ASCC3: variants seen among roughly 807,000 people sequenced by gnomAD.
ASCC3 encodes the protein activating signal cointegrator 1 complex subunit 3.
ASCC3 carries 158 observed loss-of-function variants against 256.3 expected under a neutral mutation model. That is an observed-to-expected ratio of 0.62 (90% CI 0.54 to 0.70). ASCC3 has a LOEUF of 0.70. Ranked by LOEUF, ASCC3 falls within the 30% of genes least tolerant of loss-of-function variation. ASCC3 has a pLI of 0.00. For synonymous variants in ASCC3, 948 were observed against 883.4 expected (o/e 1.07, Z -1.30); for missense variants, 2,259 against 2,626.0 (o/e 0.86, Z 3.05).
intron 3 of ASCC3, among the ~76,000 whole-genome samples, chr6:100,861,900 T>C (rs1773242843): frequency 6.6e-6 from 1 of 152,162 alleles, no homozygotes; most frequent in South Asian, 2.1e-4. Flanking sequence ...TTTTCTTTTT[T>C]TAAATCTTAA....
At chr6:100,805,640 G>T in intron 5 of ASCC3, 120 bp downstream of exon 5, 1 of 1,190,344 alleles carries the variant, frequency 8.4e-7, no homozygotes, top group Non-Finnish European at 1.2e-6. Flanking sequence ...ATTTAACAGA[G>T]TAATATCAGT....
At chr6:100,740,187 TTAAC>T (rs1257612730) in intron 10 of ASCC3, among the ~76,000 whole-genome samples, 6 of 152,208 alleles carry the variant, frequency 3.9e-5, no homozygotes, top group Non-Finnish European at 8.8e-5. Flanking sequence ...ATTTCATTAT[TTAAC>T]TAAGTTTCAT....
chr6:100,669,574 T>G (rs1776640929), intron 14 of ASCC3, among the ~76,000 whole-genome samples: 1 of 151,810 alleles, frequency 6.6e-6, no homozygotes, highest in Non-Finnish European at 1.5e-5. Context: ...CATGATTTCC[T>G]GGAGGGAATA....
At chr6:100,684,709 C>G (rs563175201) in intron 13 of ASCC3, among the ~76,000 whole-genome samples, 1 of 152,106 alleles carries the variant, frequency 6.6e-6, no homozygotes, top group South Asian at 2.1e-4. Context: ...TAAAACACTT[C>G]CCCTTTAGCA....
chr6:100,835,876 A>C (rs1771851549), intron 4 of ASCC3, among the ~76,000 whole-genome samples: 1 of 152,122 alleles, frequency 6.6e-6, no homozygotes, highest in African/African-American at 2.4e-5. Context: ...CTTCCAATTC[A>C]CCAGTACAAA....
intron 36 of ASCC3, among the ~76,000 whole-genome samples, chr6:100,580,828 C>G (rs919004699): frequency 1.3e-5 from 2 of 148,156 alleles, no homozygotes; most frequent in African/African-American, 5.0e-5. Context: ...TGAGAATATG[C>G]GGTGTTTGGT....
chr6:100,843,061 AAT>A (rs1340402745), intron 4 of ASCC3, among the ~76,000 whole-genome samples: 1 of 152,204 alleles, frequency 6.6e-6, no homozygotes, highest in Non-Finnish European at 1.5e-5. Context: ...TTTAATTTCA[AAT>A]ATGACAAATA....
chr6:100,602,423 G>A (rs774351436), intron 33 of ASCC3, among the ~76,000 whole-genome samples: 1 of 151,826 alleles, frequency 6.6e-6, no homozygotes, highest in Non-Finnish European at 1.5e-5. Flanking sequence ...AATCATTTTT[G>A]GAAAATAAAT....
At chr6:100,856,385 A>C (rs929685449) in intron 3 of ASCC3, 24 of 984,008 alleles carry the variant, frequency 2.4e-5, no homozygotes, top group Admixed American at 1.2e-4. Flanking sequence ...TCTCACCATG[A>C]TAGCCAAACC....
intron 36 of ASCC3, among the ~76,000 whole-genome samples, chr6:100,550,147 C>T (rs1769218053): frequency 6.6e-6 from 1 of 151,894 alleles, no homozygotes; most frequent in African/African-American, 2.4e-5. Flanking sequence ...GAGAAGAAAT[C>T]AGCTTTAATT....
intron 14 of ASCC3, among the ~76,000 whole-genome samples, chr6:100,667,104 TG>T (rs1344951365): frequency 2.6e-5 from 4 of 152,246 alleles, no homozygotes; most frequent in Admixed American, 6.5e-5. Flanking sequence ...GACAAAATTA[TG>T]TCTTATTTAC....
In ASCC3 at chr6:100,642,696, A is replaced by G; in HGVS notation, c.3786T>C (p.Pro1262=). The change falls in exon 24 of 42, where the codon CCT becomes CCC. Residue 1262 remains proline, a synonymous_variant. Coordinates refer to ENST00000369162, the MANE Select transcript of ASCC3 (RefSeq NM_006828.4). ...CTCGGATGTAGTATTGGGAAGGCAA[A>G]GGCTCAAAAATAGGGATTGTAAATA... is the stretch of plus-strand genomic sequence containing the variant. The part of the protein sequence containing the change: ...LLVFTIPIFE[P]LPSQYYIRAV... 6.8e-6 allele frequency: 11 copies of G among 1,613,956 alleles called. No individual in the cohort carries two copies. Among genetic ancestry groups the G allele is most frequent in the Non-Finnish European group, 9.3e-6 (11 of 1,179,874 alleles).
chr6:100,551,005 T>C (rs1431487966), intron 36 of ASCC3, among the ~76,000 whole-genome samples: 6 of 151,992 alleles, frequency 3.9e-5, no homozygotes, highest in Non-Finnish European at 8.8e-5. Context: ...TAAAAATGCC[T>C]TATGTAGTTA....
intron 4 of ASCC3, among the ~76,000 whole-genome samples, chr6:100,829,460 C>A (rs1027497272): frequency 6.6e-6 from 1 of 152,086 alleles, no homozygotes; most frequent in African/African-American, 2.4e-5. Flanking sequence ...CCAGGGCTGG[C>A]GGGGCTCGCC....
rs1780210690 is a variant in ASCC3 at position 100,737,137 on chromosome 6, A to G, written c.1738-11434T>C. Reference sequence around the variant, plus strand: ...ACTCCAGCCTGGGCAACAGAGTGAGACTCCGTCTATTTAAAAAAAAAAAGG... The same window carrying G: ...ACTCCAGCCTGGGCAACAGAGTGAGGCTCCGTCTATTTAAAAAAAAAAAGG... On this transcript the variant is annotated intron_variant, in intron 10 of 41. Coordinates refer to ENST00000369162, the MANE Select transcript of ASCC3 (RefSeq NM_006828.4). Among the ~76,000 whole-genome samples the G allele has an allele frequency of 2.8e-5, 3 of 107,746 alleles. No individual in the cohort carries two copies. In the Admixed American group the frequency reaches 3.4e-4, roughly 12 times the overall value. 70.7% of individuals were successfully genotyped at this position (107,746 alleles called of 152,430 possible). A position where few individuals can be genotyped will look rare whatever the true frequency, so the allele number is the denominator to read the frequency against.
chr6:100,713,723 T>C (rs1382887452), intron 13 of ASCC3, among the ~76,000 whole-genome samples: 2 of 152,150 alleles, frequency 1.3e-5, no homozygotes, highest in African/African-American at 4.8e-5. Context: ...AAAACTGTAT[T>C]TTTAAAAAAA....
chr6:100,693,525 A>G (rs1428414091), intron 13 of ASCC3, among the ~76,000 whole-genome samples: 1 of 152,146 alleles, frequency 6.6e-6, no homozygotes, highest in Non-Finnish European at 1.5e-5. Flanking sequence ...TCAATGAATA[A>G]GACATTATAT....
At chr6:100,744,850 A>G (rs4840152) in intron 10 of ASCC3, among the ~76,000 whole-genome samples, 142,968 of 152,284 alleles carry the variant, frequency 0.94, 67,430 homozygotes, top group South Asian at 0.99. Context: ...AATTCTCACC[A>G]TATGTTTGAG....
intron 23 of ASCC3, among the ~76,000 whole-genome samples, chr6:100,643,140 A>T (rs965614421): frequency 2.0e-5 from 3 of 152,098 alleles, no homozygotes; most frequent in African/African-American, 7.2e-5. Flanking sequence ...GGAATACCGC[A>T]ATCACTTGGT....
Sources: gnomAD v4.1 joint callset for allele counts (sites outside exome capture counted in the v4.1 genomes callset) on GRCh38, gnomAD v4.1.1 for gene constraint, MANE v1.5 for transcripts, NCBI Gene and HGNC (gene_info 2026-07-23, HGNC 2026-07-21) for gene names.